The following ARMH1 variants were observed in gnomAD, a reference collection of about 807,000 sequenced individuals.
ARMH1 encodes armadillo like helical domain containing 1.
ARMH1 carries 34 observed loss-of-function variants against 50.2 expected under a neutral mutation model. That is an observed-to-expected ratio of 0.68 (90% confidence interval 0.51 to 0.90). The LOEUF is 0.90. Among genes scored for constraint, ARMH1 ranks in the 40% least tolerant of loss-of-function variants. The probability of loss-of-function intolerance (pLI) is 0.00; values close to 1 mark genes in which losing one functional copy is unlikely to be tolerated. For missense variants in ARMH1, 538 were observed against 553.9 expected, an observed-to-expected ratio of 0.97 and a Z score of 0.29; for synonymous variants, 221 against 224.2, an observed-to-expected ratio of 0.99 and a Z score of 0.13.
chr1:44,717,265 C>T (rs1177105170), intron 6 of ARMH1, among the ~76,000 whole-genome samples: 4 of 152,202 alleles, frequency 2.6e-5, no homozygotes, highest in Non-Finnish European at 4.4e-5. Flanking sequence ...GGGTTGTTGG[C>T]ACATGCATAG....
rs1645600492 is a variant in ARMH1, at chr1:44,689,913, A to G, written c.206+10A>G. 6.5e-7 allele frequency: 1 copy of G among 1,548,704 alleles called. No individual in the cohort carries two copies. The highest frequency in any genetic ancestry group is 8.7e-7 in the Non-Finnish European group (1 of 1,146,366). On this transcript the variant is annotated intron_variant, in intron 2 of 11. Coordinates refer to ENST00000535358, the MANE Select transcript of ARMH1 (RefSeq NM_001145636.2). ...CCTCGCTTAGAATCACGTATCCTTT[A>G]CTGAACAGAAAAAAAAAAATTAGGC...
intron 6 of ARMH1, among the ~76,000 whole-genome samples, chr1:44,722,117 C>T (rs926781922): frequency 6.6e-6 from 1 of 152,196 alleles, no homozygotes; most frequent in Non-Finnish European, 1.5e-5. Context: ...ACAATGCATT[C>T]TGGGATGCAA....
intron 1 of ARMH1, among the ~76,000 whole-genome samples, chr1:44,676,787 C>G (rs1211487343): frequency 6.6e-6 from 1 of 152,072 alleles, no homozygotes; most frequent in South Asian, 2.1e-4. Context: ...TTTCAGAAAG[C>G]TTGGCTATTT....
intron 10 of ARMH1, 73 bp from the exon 11 acceptor site, chr1:44,725,063 C>T: frequency 5.2e-6 from 8 of 1,545,432 alleles, no homozygotes; most frequent in Non-Finnish European, 5.2e-6. Flanking sequence ...CTGCAACATC[C>T]CTCTGCCAAG....
chr1:44,680,521 T>C (rs1421835432), intron 1 of ARMH1, among the ~76,000 whole-genome samples: 2 of 152,206 alleles, frequency 1.3e-5, no homozygotes, highest in Admixed American at 1.3e-4. Flanking sequence ...GTTTAGACTT[T>C]ATCCAGTAGG....
chr1:44,677,167 A>T (rs1402635239), intron 1 of ARMH1, among the ~76,000 whole-genome samples: 2 of 152,262 alleles, frequency 1.3e-5, no homozygotes, highest in African/African-American at 4.8e-5. Context: ...GCAGAGAAAG[A>T]TTAAAATAGC....
rs145187917 is a variant in ARMH1 at position 44,698,503 on chromosome 1, A to G, written c.442+274A>G. Among the ~76,000 whole-genome samples the G allele has an allele frequency of 3.3e-5, 5 of 152,280 alleles. No homozygotes were observed. The East Asian group carries it at 9.7e-4, about 29-fold the overall frequency. ...CAAAGATTTGTTGAGCTGTGGCCCA[A>G]TATCTTTTGTGAAATTGAGTTATGA... On this transcript the variant is annotated intron_variant, in intron 4 of 11. Transcript: ENST00000535358.
Position 44,724,570 on chromosome 1 carries a change from G to A in ARMH1, c.952G>A (p.Glu318Lys), listed in dbSNP as rs1304571809. 1.3e-5 allele frequency: 20 copies of A among 1,516,158 alleles called. No individual in the cohort carries two copies. Among genetic ancestry groups the A allele is most frequent in the Non-Finnish European group, 1.7e-5 (19 of 1,134,672 alleles). 93.9% of individuals were successfully genotyped at this position (1,516,158 alleles called of 1,614,324 possible). Residue 318 changes from glutamate to lysine, a missense_variant, in exon 9 of 12, where the codon GAG becomes AAG. Transcript: ENST00000535358. The surrounding 1 kb of genome is among the most constrained non-coding windows in gnomAD (Gnocchi z 6.4). ...VLARNDMSIA[E>K]ELLYLRVVRG... The stretch of plus-strand genomic sequence containing the variant: ...GGCGCGCAACGACATGAGCATCGCC[G>A]AGGAGCTGCTGTACCTGCGCGTGGT...
At chr1:44,716,407 T>G (rs1280807161) in intron 6 of ARMH1, among the ~76,000 whole-genome samples, 1 of 152,168 alleles carries the variant, frequency 6.6e-6, no homozygotes, top group East Asian at 1.9e-4. Flanking sequence ...GACAGAGTAG[T>G]GGAGTGACCT....
At chr1:44,723,776 C>G in intron 6 of ARMH1, 1 of 227,756 alleles carries the variant, frequency 4.4e-6, no homozygotes, top group Admixed American at 5.8e-5. Context: ...CACCCCTTGT[C>G]TTTCTCCATC....
At position 44,676,607 on chromosome 1, in the gene ARMH1, G is replaced by A. The variant is rs150371649; in HGVS notation, c.-23+1734G>A. On this transcript the variant is annotated intron_variant, in intron 1 of 11. Transcript: ENST00000535358. The stretch of plus-strand genomic sequence containing the variant: ...AGGAAGGAAAGTGTTGAAGGCTTAT[G>A]ACTAATCAAGTAAAATAAGGCCTGA... Among the ~76,000 whole-genome samples, 431 of 152,330 alleles carry A rather than the reference G, an allele frequency of 2.8e-3. 2 individuals carry two copies. The highest frequency in any genetic ancestry group is 9.8e-3 in the African/African-American group (409 of 41,564).
At chr1:44,702,707 T>C (rs1646140057) in intron 5 of ARMH1, among the ~76,000 whole-genome samples, 1 of 70,942 alleles carries the variant, frequency 1.4e-5, no homozygotes, top group Non-Finnish European at 2.3e-5. Flanking sequence ...CGAGACTCCA[T>C]CTCAAAAAAA....
chr1:44,704,251 A>G (rs1318379318), intron 6 of ARMH1, 78 bp downstream of exon 6: 2 of 1,092,684 alleles, frequency 1.8e-6, no homozygotes, highest in South Asian at 1.3e-5. Context: ...CTTAGTCACA[A>G]AGAGCCTTGA....
intron 1 of ARMH1, among the ~76,000 whole-genome samples, chr1:44,685,634 CTTTT>C (rs531526155): frequency 6.5e-5 from 9 of 139,484 alleles, no homozygotes; most frequent in Non-Finnish European, 1.3e-4. Flanking sequence ...CTTTTTTTTT[CTTTT>C]TTTTTTTTGA....
In ARMH1 at chr1:44,724,161, G is replaced by T. The variant is rs1447096497; in HGVS notation, c.764G>T (p.Arg255Leu). 4 of 1,551,694 alleles carry T rather than the reference G, an allele frequency of 2.6e-6. No individual in the cohort carries two copies. The highest frequency in any genetic ancestry group is 1.7e-6 in the Non-Finnish European group (2 of 1,146,986). The change falls in exon 7 of 12, where the codon CGC (arginine) becomes CTC (leucine). Residue 255 changes from arginine to leucine, a missense_variant. Coordinates refer to ENST00000535358, the MANE Select transcript of ARMH1 (RefSeq NM_001145636.2). This position sits in a 1 kb window ranked among gnomAD's most constrained non-coding sequence, Gnocchi z 6.4. ...AAAGACCTGGTCGGTTACGATGTGC[G>T]CCAGGCGCTGCTCAAGGGCCTCGTG... is the stretch of plus-strand genomic sequence containing the variant. ...LIKDLVGYDV[R>L]QALLKGLVAL... is the part of the protein sequence containing the mutation.
chr1:44,702,729 G>T (rs796534234), intron 5 of ARMH1, among the ~76,000 whole-genome samples: 1 of 121,514 alleles, frequency 8.2e-6, no homozygotes, highest in Admixed American at 8.3e-5. Context: ...AAAAAAAAAA[G>T]AAAAGAAAAG....
intron 6 of ARMH1, among the ~76,000 whole-genome samples, chr1:44,719,245 T>C (rs1356766413): frequency 2.7e-5 from 4 of 150,846 alleles, no homozygotes; most frequent in Non-Finnish European, 5.9e-5. Context: ...CTAGCTTTTA[T>C]AGGGCTTCAG....
intron 4 of ARMH1, among the ~76,000 whole-genome samples, chr1:44,698,827 A>C (rs2148653237): frequency 6.8e-6 from 1 of 147,984 alleles, no homozygotes; most frequent in East Asian, 1.9e-4. Flanking sequence ...AAAAAAAAAA[A>C]GAAATTGAAT....
intron 6 of ARMH1, among the ~76,000 whole-genome samples, chr1:44,716,568 T>C (rs772701561): frequency 1.3e-5 from 2 of 152,202 alleles, no homozygotes; most frequent in Non-Finnish European, 2.9e-5. Context: ...GCTAGAAATA[T>C]TGGTAATTGT....
Sources: allele counts gnomAD v4.1 joint callset (sites outside exome capture counted in the v4.1 genomes callset), GRCh38; gene constraint gnomAD v4.1.1; non-coding constraint Gnocchi (gnomAD v3.1); transcripts MANE v1.5; gene names NCBI Gene and HGNC (gene_info 2026-07-23, HGNC 2026-07-21).